Variants in GLIPR2 observed in about 807,000 individuals in gnomAD.
GLIPR2 encodes the protein Golgi-associated plant pathogenesis-related protein 1.
GLIPR2 carries 21 observed loss-of-function variants against 20.4 expected under a neutral mutation model. That is an observed-to-expected ratio of 1.03 (90% CI 0.73 to 1.48). The LOEUF (loss-of-function observed/expected upper bound fraction) is 1.48. Ranked by LOEUF, GLIPR2 falls within the 40% of genes most tolerant of loss-of-function variation. GLIPR2 has a pLI of 0.00. For synonymous variants in GLIPR2, 91 were observed against 80.5 expected (o/e 1.13, Z -0.70); for missense variants, 205 against 200.1 (o/e 1.02, Z -0.15).
intron 1 of GLIPR2, among the ~76,000 whole-genome samples, chr9:36,140,228 A>G (rs2132709411): frequency 6.6e-6 from 1 of 152,166 alleles, no homozygotes; most frequent in African/African-American, 2.4e-5. Context: ...CATCAGCTCT[A>G]AGAATATTAG....
intron 1 of GLIPR2, among the ~76,000 whole-genome samples, chr9:36,138,970 G>T (rs941650048): frequency 6.6e-6 from 1 of 152,168 alleles, no homozygotes; most frequent in Non-Finnish European, 1.5e-5. Context: ...CGTTGCCAGG[G>T]TGTAGGGTAG....
intron 4 of GLIPR2, among the ~76,000 whole-genome samples, chr9:36,152,616 G>A (rs1825635307): frequency 6.6e-6 from 1 of 151,540 alleles, no homozygotes; most frequent in Admixed American, 6.6e-5. Flanking sequence ...TGGGCATGAT[G>A]GTGCATGCCT....
chr9:36,143,131 T>G (rs1563879301), intron 1 of GLIPR2, among the ~76,000 whole-genome samples: 1 of 152,174 alleles, frequency 6.6e-6, no homozygotes, highest in Non-Finnish European at 1.5e-5. Flanking sequence ...AGCGGCCTTA[T>G]ATGTCCCTCT....
intron 1 of GLIPR2, among the ~76,000 whole-genome samples, chr9:36,143,796 C>G (rs1437655395): frequency 6.6e-6 from 1 of 152,174 alleles, no homozygotes; most frequent in Non-Finnish European, 1.5e-5. Flanking sequence ...GAGCTCACTA[C>G]CTTGTGAGGT....
intron 3 of GLIPR2, 61 bp from the exon 4 acceptor site, chr9:36,150,811 A>T (rs996926439): frequency 1.6e-6 from 2 of 1,220,700 alleles, no homozygotes; most frequent in African/African-American, 3.0e-5. Context: ...GAGAAAATGC[A>T]GGGAATAGGG....
intron 4 of GLIPR2, among the ~76,000 whole-genome samples, chr9:36,154,428 G>T (rs934500037): frequency 6.6e-6 from 1 of 152,086 alleles, no homozygotes; most frequent in Non-Finnish European, 1.5e-5. Flanking sequence ...GTGTCAGAGC[G>T]TATGACCTGT....
Position 36,136,955 on chromosome 9 carries a change from C to G in GLIPR2, c.13+164C>G. On this transcript the variant is annotated intron_variant, in intron 1 of 4. Transcript: ENST00000377960. This position sits in a 1 kb window ranked among gnomAD's most constrained non-coding sequence, Gnocchi z 4.3. Reference sequence around the variant, plus strand: ...CGCCCCGGCGCGGTTTCCGGGGAACCCGGGGGGAAGGCGAGCCCGAGGGAG... The same window carrying G: ...CGCCCCGGCGCGGTTTCCGGGGAACGCGGGGGGAAGGCGAGCCCGAGGGAG... The G allele has an allele frequency of 1.2e-6, 1 of 854,476 alleles. No individual in the cohort carries two copies. The highest frequency in any genetic ancestry group is 1.8e-5 in the African/African-American group (1 of 57,068). 52.9% of individuals were successfully genotyped at this position (854,476 alleles called of 1,614,324 possible).
chr9:36,141,057 C>T (rs962253335), intron 1 of GLIPR2, among the ~76,000 whole-genome samples: 1 of 152,250 alleles, frequency 6.6e-6, no homozygotes, highest in African/African-American at 2.4e-5. Context: ...CAAAAGGTTT[C>T]TGTCCCTGTC....
At chr9:36,143,729 C>T (rs939033937) in intron 1 of GLIPR2, among the ~76,000 whole-genome samples, 2 of 152,210 alleles carry the variant, frequency 1.3e-5, no homozygotes, top group African/African-American at 4.8e-5. Flanking sequence ...TCCTCTGACT[C>T]TCAGGCCTGA....
intron 1 of GLIPR2, among the ~76,000 whole-genome samples, chr9:36,137,871 T>C (rs1824898146): frequency 6.6e-6 from 1 of 152,246 alleles, no homozygotes; most frequent in Admixed American, 6.5e-5. Flanking sequence ...ATGCCAGCGC[T>C]GGGCGCAAGT....
chr9:36,136,596 G>A, upstream of GLIPR2: 3 of 379,264 alleles, frequency 7.9e-6, no homozygotes, highest in South Asian at 1.4e-4. The surrounding 1 kb of genome is among the most constrained non-coding windows in gnomAD (Gnocchi z 4.3). Context: ...GAGCTCTCCG[G>A]GAGGCCCACG....
chr9:36,162,656 G>A lies in GLIPR2; in HGVS notation c.*134G>A, dbSNP rs1409975291. On this transcript the variant is annotated 3_prime_UTR_variant, in exon 5 of 5. Coordinates refer to ENST00000377960, the MANE Select transcript of GLIPR2 (RefSeq NM_022343.4). ...TGTGTGATGCATGTGAGCGTCTCTG[G>A]CACACACACTTGGACATACAGTTCT... 2 of 814,586 alleles carry A rather than the reference G, an allele frequency of 2.5e-6. No individual in the cohort carries two copies. Among genetic ancestry groups the A allele is most frequent in the Non-Finnish European group, 4.0e-6 (2 of 503,232 alleles). 50.5% of individuals were successfully genotyped at this position (814,586 alleles called of 1,614,324 possible).
chr9:36,160,790 TCAG>T (rs1260144864), intron 4 of GLIPR2, among the ~76,000 whole-genome samples: 2 of 152,126 alleles, frequency 1.3e-5, no homozygotes, highest in Non-Finnish European at 2.9e-5. Flanking sequence ...GCCTGTAATC[TCAG>T]CAGTTTGGGA....
At chr9:36,145,949 G>T (rs940379873) in intron 1 of GLIPR2, among the ~76,000 whole-genome samples, 1 of 152,052 alleles carries the variant, frequency 6.6e-6, no homozygotes, top group African/African-American at 2.4e-5. Context: ...TGACCTAATT[G>T]GGCATGGGCT....
intron 1 of GLIPR2, among the ~76,000 whole-genome samples, chr9:36,142,296 T>G (rs1006609720): frequency 1.1e-4 from 16 of 152,104 alleles, no homozygotes; most frequent in Non-Finnish European, 2.1e-4. Context: ...TTTCCATCAT[T>G]CCCTTTGTCG....
chr9:36,163,854 AT>A lies in GLIPR2; in HGVS notation c.*1335del, dbSNP rs1826171480. The A allele has an allele frequency of 6.5e-6, 1 of 152,818 alleles. No homozygotes were observed. The highest frequency in any genetic ancestry group is 2.4e-5 in the African/African-American group (1 of 41,596). The allele number at this position is 152,818 out of a possible 1,614,324, so 9.5% of individuals were successfully genotyped here. ...TCACCAGTCTCAAGCTATGCCTCTAATTTCACCAGGGATATTGACTAAGAAG... is the reference window on the plus strand; with the variant it reads ...TCACCAGTCTCAAGCTATGCCTCTAATTCACCAGGGATATTGACTAAGAAG... On this transcript the variant is annotated 3_prime_UTR_variant, in exon 5 of 5. Coordinates refer to ENST00000377960, the MANE Select transcript of GLIPR2 (RefSeq NM_022343.4).
At chr9:36,151,712 A>G (rs1825595071) in intron 4 of GLIPR2, among the ~76,000 whole-genome samples, 1 of 152,086 alleles carries the variant, frequency 6.6e-6, no homozygotes, top group African/African-American at 2.4e-5. Flanking sequence ...TCCCTTGACG[A>G]AAGCTCCGGG....
intron 1 of GLIPR2, among the ~76,000 whole-genome samples, chr9:36,142,673 G>C (rs1825140614): frequency 6.6e-6 from 1 of 152,026 alleles, no homozygotes; most frequent in Non-Finnish European, 1.5e-5. Context: ...GGCTCTCCCT[G>C]CCTAACTGGG....
intron 1 of GLIPR2, among the ~76,000 whole-genome samples, chr9:36,143,353 ACCT>A (rs1000629438): frequency 6.6e-6 from 1 of 151,808 alleles, no homozygotes; most frequent in Non-Finnish European, 1.5e-5. Context: ...AGCCAGGAAC[ACCT>A]CCTCCAGGGA....
Sources: gnomAD v4.1 joint callset for allele counts (sites outside exome capture counted in the v4.1 genomes callset) on GRCh38, gnomAD v4.1.1 for gene constraint, Gnocchi (gnomAD v3.1) non-coding constraint, MANE v1.5 for transcripts, NCBI Gene and HGNC (gene_info 2026-07-23, HGNC 2026-07-21) for gene names.